JAK2: variants seen among roughly 807,000 people sequenced by gnomAD.
The protein encoded by JAK2 is Janus kinase 2, also known as tyrosine-protein kinase JAK2.
In JAK2, 86 loss-of-function variants were observed where a neutral mutation model predicts 139.3. The observed-to-expected ratio is 0.62, with a 90% CI of 0.52 to 0.74. JAK2 has a LOEUF of 0.74. Among genes scored for constraint, JAK2 ranks in the 30% least tolerant of loss-of-function variants. The pLI, the probability that JAK2 is intolerant of heterozygous loss-of-function variation, is 0.00. For missense variants in JAK2, 1,421 were observed against 1,360.3 expected, an observed-to-expected ratio of 1.04 and a Z score of -0.70; for synonymous variants, 490 against 437.7, an observed-to-expected ratio of 1.12 and a Z score of -1.49.
chr9:5,045,385 C>T (rs1170759500), intron 5 of JAK2, among the ~76,000 whole-genome samples: 1 of 151,984 alleles, frequency 6.6e-6, no homozygotes, highest in East Asian at 1.9e-4. Flanking sequence ...GGTATGAGAC[C>T]AACAAACTTT....
intron 5 of JAK2, among the ~76,000 whole-genome samples, chr9:5,046,753 G>C (rs1273022767): frequency 6.6e-6 from 1 of 152,106 alleles, no homozygotes; most frequent in Non-Finnish European, 1.5e-5. Flanking sequence ...ATTATGAAAA[G>C]AGAGGGGAAT....
chr9:5,028,069 T>A (rs1369283249), intron 3 of JAK2, among the ~76,000 whole-genome samples: 5 of 152,234 alleles, frequency 3.3e-5, no homozygotes, highest in African/African-American at 9.6e-5. Context: ...CCATAAGTTT[T>A]TTTATTTACT....
chr9:5,121,897 GGAGT>G (rs1448058814), intron 22 of JAK2, among the ~76,000 whole-genome samples: 1 of 152,106 alleles, frequency 6.6e-6, no homozygotes. Flanking sequence ...TATTTTGCAA[GGAGT>G]GAGGGAATAG....
intron 22 of JAK2, among the ~76,000 whole-genome samples, chr9:5,106,653 A>G (rs1030178511): frequency 2.0e-5 from 3 of 152,238 alleles, no homozygotes; most frequent in African/African-American, 7.2e-5. Flanking sequence ...ACCAACCCAA[A>G]TGCCCATCAA....
intron 22 of JAK2, among the ~76,000 whole-genome samples, chr9:5,103,255 A>AG (rs1821669277): frequency 2.9e-5 from 3 of 103,910 alleles, no homozygotes; most frequent in South Asian, 3.2e-4. Context: ...AAAAAAAAAA[A>AG]GCAGGAGTTG....
intron 22 of JAK2, chr9:5,100,045 A>G (rs1318819953): frequency 1.3e-5 from 2 of 152,374 alleles, no homozygotes; most frequent in Non-Finnish European, 1.5e-5. Context: ...AACAGCCAAC[A>G]TTATAGTCAG....
chr9:5,006,069 A>G (rs1041032294), intron 2 of JAK2, among the ~76,000 whole-genome samples: 5 of 152,220 alleles, frequency 3.3e-5, no homozygotes, highest in South Asian at 2.1e-4. Context: ...CATTGAATCT[A>G]TAAATGACCT....
chr9:5,121,819 G>A (rs1823636818), intron 22 of JAK2, among the ~76,000 whole-genome samples: 2 of 152,156 alleles, frequency 1.3e-5, no homozygotes, highest in East Asian at 3.9e-4. Context: ...AGAACAGACA[G>A]AAAAAAACAG....
intron 3 of JAK2, among the ~76,000 whole-genome samples, chr9:5,026,880 C>T (rs994024885): frequency 6.6e-6 from 1 of 152,152 alleles, no homozygotes; most frequent in Non-Finnish European, 1.5e-5. Context: ...TATGCACTCA[C>T]ATTTTAAGTT....
chr9:5,078,447 A>G lies in JAK2; in HGVS notation c.2131+3A>G, dbSNP rs2130592063. 1 of 1,609,472 alleles carries G rather than the reference A, an allele frequency of 6.2e-7. No individual in the cohort carries two copies. The highest frequency in any genetic ancestry group is 8.5e-7 in the Non-Finnish European group (1 of 1,176,896). ...TATTACAGTTTTGCCAAAGGACAGT[A>G]AGTTCTAGAAGGATTATATATAATG... On this transcript the variant is annotated splice_donor_region_variant and intron_variant, in intron 16 of 24. Transcript: ENST00000381652.
intron 13 of JAK2, among the ~76,000 whole-genome samples, chr9:5,073,306 C>A (rs1410770048): frequency 6.6e-6 from 1 of 152,190 alleles, no homozygotes; most frequent in Non-Finnish European, 1.5e-5. Context: ...TTTATCTGCA[C>A]ATTCTTAATT....
At chr9:5,070,086 G>A in intron 12 of JAK2, 34 bp downstream of exon 12, 1 of 1,501,032 alleles carries the variant, frequency 6.7e-7, no homozygotes, top group Non-Finnish European at 9.1e-7. Context: ...TGTCTTTTTT[G>A]TCCTTTTAAA....
intron 23 of JAK2, 107 bp from the exon 24 acceptor site, chr9:5,126,226 C>A: frequency 1.5e-6 from 1 of 679,720 alleles, no homozygotes. Flanking sequence ...TGAAAACATA[C>A]AAAAGCACAC....
intron 2 of JAK2, among the ~76,000 whole-genome samples, chr9:5,014,736 G>A (rs1821931406): frequency 6.6e-6 from 1 of 152,164 alleles, no homozygotes; most frequent in Non-Finnish European, 1.5e-5. Flanking sequence ...TAGAATAGAT[G>A]TAACTTATAT....
At chr9:5,104,093 C>G (rs967952332) in intron 22 of JAK2, among the ~76,000 whole-genome samples, 2 of 151,422 alleles carry the variant, frequency 1.3e-5, no homozygotes, top group Non-Finnish European at 3.0e-5. Flanking sequence ...GAGATAGAGA[C>G]ACAACTCTTC....
At chr9:5,113,259 C>G (rs1361501785) in intron 22 of JAK2, among the ~76,000 whole-genome samples, 1 of 126,834 alleles carries the variant, frequency 7.9e-6, no homozygotes, top group Non-Finnish European at 1.6e-5. Context: ...AAAACATACA[C>G]TTTGTCAGAA....
chr9:5,124,128 G>C (rs1586844349), intron 23 of JAK2, among the ~76,000 whole-genome samples: 1 of 151,898 alleles, frequency 6.6e-6, no homozygotes, highest in East Asian at 1.9e-4. Flanking sequence ...CAGATACAAA[G>C]TTTGCAAATA....
chr9:5,055,213 G>GAA (rs1266060095), intron 7 of JAK2, among the ~76,000 whole-genome samples: 2 of 151,956 alleles, frequency 1.3e-5, no homozygotes, highest in African/African-American at 4.8e-5. Context: ...TTGTTAACTA[G>GAA]AAAAGATTGA....
intron 2 of JAK2, among the ~76,000 whole-genome samples, chr9:4,992,459 G>A (rs946681431): frequency 5.3e-5 from 8 of 152,044 alleles, no homozygotes; most frequent in African/African-American, 1.9e-4. Context: ...ATGTGAGATG[G>A]GAAATAGTGT....
Sources: allele counts gnomAD v4.1 joint callset (sites outside exome capture counted in the v4.1 genomes callset), GRCh38; gene constraint gnomAD v4.1.1; transcripts MANE v1.5; gene names NCBI Gene and HGNC (gene_info 2026-07-23, HGNC 2026-07-21).